The following POGLUT1 variants were observed in gnomAD, a reference collection of about 807,000 sequenced individuals.
POGLUT1 encodes the protein 9630046K23Rik.
In POGLUT1, 32 loss-of-function variants were observed where a neutral mutation model predicts 61.3. That is an observed-to-expected ratio of 0.52 (90% CI 0.39 to 0.70). The LOEUF (loss-of-function observed/expected upper bound fraction) is 0.70. Among genes scored for constraint, POGLUT1 ranks in the 30% least tolerant of loss-of-function variants. The pLI is 0.00. For missense variants in POGLUT1, 411 were observed against 469.8 expected, an observed-to-expected ratio of 0.87 and a Z score of 1.16; for synonymous variants, 158 against 158.2, an observed-to-expected ratio of 1.00 and a Z score of 0.01.
chr3:119,469,974 T>A, intron 2 of POGLUT1, 64 bp downstream of exon 2: 1 of 968,222 alleles, frequency 1.0e-6, no homozygotes, highest in Non-Finnish European at 1.7e-6. Flanking sequence ...TATTCTAACA[T>A]CCTTGAGAGA....
chr3:119,485,227 A>G, intron 5 of POGLUT1, 101 bp from the exon 6 acceptor site: 1 of 786,622 alleles, frequency 1.3e-6, no homozygotes, highest in Non-Finnish European at 2.1e-6. Flanking sequence ...AAAAAAAAAA[A>G]AGAAATATGA....
intron 8 of POGLUT1, chr3:119,489,953 C>T (rs1352304856): frequency 1.3e-5 from 2 of 153,554 alleles, no homozygotes; most frequent in African/African-American, 4.8e-5. Flanking sequence ...ACCATCTCCC[C>T]CACACTACCC....
chr3:119,469,662 T>G (rs1681120753), intron 1 of POGLUT1, among the ~76,000 whole-genome samples, 158 bp from the exon 2 acceptor site: 1 of 152,144 alleles, frequency 6.6e-6, no homozygotes, highest in African/African-American at 2.4e-5. Flanking sequence ...GCGTGGGAGT[T>G]GCACACACAA....
intron 2 of POGLUT1, 43 bp from the exon 3 acceptor site, chr3:119,471,266 C>T: frequency 1.2e-6 from 2 of 1,600,740 alleles, no homozygotes; most frequent in Non-Finnish European, 1.7e-6. Context: ...AATGGCACCA[C>T]TCTCTTGGCC....
intron 5 of POGLUT1, among the ~76,000 whole-genome samples, chr3:119,482,370 TGAAA>T (rs1191735757): frequency 2.6e-5 from 4 of 151,678 alleles, no homozygotes; most frequent in Admixed American, 6.6e-5. Flanking sequence ...TCAGTACATA[TGAAA>T]GAGTCACTTT....
rs1347451407 is a variant in POGLUT1, at chr3:119,486,915, G to T, written c.721G>T (p.Ala241Ser). The T allele has an allele frequency of 1.2e-6, 2 of 1,611,094 alleles. No individual in the cohort carries two copies. The highest frequency in any genetic ancestry group is 2.2e-5 in the South Asian group (2 of 91,006). ...TGATGCAGAATACACCAAAAACCAG[G>T]CCTGGAAATCTATGAAAGTAATCAC... ...LVDAEYTKNQ[A>S]WKSMKDTLGK... Residue 241 changes from alanine to serine, a missense_variant, in exon 7 of 11, where the codon GCC becomes TCC. Physicochemically the swap from Ala to Ser is moderately conservative, Grantham distance 99. Coordinates refer to ENST00000295588, the MANE Select transcript of POGLUT1 (RefSeq NM_152305.3).
chr3:119,469,037 A>T lies in POGLUT1; in HGVS notation c.16A>T (p.Ser6Cys), dbSNP rs1437882515. 4.4e-6 allele frequency: 7 copies of T among 1,608,978 alleles called. No individual in the cohort carries two copies. The highest frequency in any genetic ancestry group is 4.2e-6 in the Non-Finnish European group (5 of 1,178,852). Residue 6 changes from serine to cysteine, a missense_variant, in exon 1 of 11, where the codon AGC becomes TGC. Coordinates refer to ENST00000295588, the MANE Select transcript of POGLUT1 (RefSeq NM_152305.3). Reference protein sequence around the residue: MEWWASSPLRLWLLLF... With the variant: MEWWACSPLRLWLLLF... Reference sequence around the variant, plus strand: ...TCTGCCGGCGATGGAGTGGTGGGCTAGCTCGCCGCTTCGGCTCTGGCTGCT... The same window carrying T: ...TCTGCCGGCGATGGAGTGGTGGGCTTGCTCGCCGCTTCGGCTCTGGCTGCT...
In POGLUT1 at chr3:119,492,393, A is replaced by G. The variant is rs965502088; in HGVS notation, c.1134A>G (p.Lys378=). The G allele has an allele frequency of 6.2e-7, 1 of 1,606,592 alleles. No homozygotes were observed. Among genetic ancestry groups the G allele is most frequent in the Non-Finnish European group, 8.5e-7 (1 of 1,174,892 alleles). Residue 378 remains lysine (K), a synonymous_variant, in exon 11 of 11, where the codon AAA becomes AAG. Transcript: ENST00000295588. Reference sequence around the variant, plus strand: ...TGTCTTATAATGTAACGAGAAGGAAAGGTTATGATCAAATTATTCCCAAAA... The same window carrying G: ...TGTCTTATAATGTAACGAGAAGGAAGGGTTATGATCAAATTATTCCCAAAA... ...KFLSYNVTRR[K]GYDQIIPKML...
chr3:119,471,387 A>G lies in POGLUT1; in HGVS notation c.255A>G (p.Leu85=). 6.2e-7 allele frequency: 1 copy of G among 1,613,972 alleles called. No homozygotes were observed. The highest frequency in any genetic ancestry group is 8.5e-7 in the Non-Finnish European group (1 of 1,179,812). ...KMMAEVVRRK[L]GTHYQITKNR... ...TGGCAGAGGTAGTCAGACGGAAGCT[A>G]GGGACCCACTATCAGATCACTAAGA... The change falls in exon 3 of 11, where the codon CTA becomes CTG. Residue 85 remains leucine (L), a synonymous_variant. Transcript: ENST00000295588.
At chr3:119,482,420 G>T (rs996325384) in intron 5 of POGLUT1, among the ~76,000 whole-genome samples, 1 of 152,010 alleles carries the variant, frequency 6.6e-6, no homozygotes, top group Non-Finnish European at 1.5e-5. Flanking sequence ...TAAAAGGCAG[G>T]ATCTCACTAT....
chr3:119,479,926 G>A, intron 4 of POGLUT1, 125 bp from the exon 5 acceptor site: 1 of 1,550,172 alleles, frequency 6.5e-7, no homozygotes, highest in Non-Finnish European at 8.7e-7. Context: ...TTGGAAAATA[G>A]GGAAAATATA....
At chr3:119,477,765 G>A (rs575354942) in intron 4 of POGLUT1, among the ~76,000 whole-genome samples, 1 of 152,310 alleles carries the variant, frequency 6.6e-6, no homozygotes, top group African/African-American at 2.4e-5. Context: ...GGAGGAAGGG[G>A]TCCAAGAAAG....
intron 4 of POGLUT1, among the ~76,000 whole-genome samples, chr3:119,479,283 A>G (rs1039996755): frequency 3.9e-5 from 6 of 152,080 alleles, no homozygotes; most frequent in Admixed American, 3.3e-4. Flanking sequence ...TTGCTCATCC[A>G]TACTTCTGAC....
chr3:119,490,421 A>T, intron 8 of POGLUT1, 130 bp from the exon 9 acceptor site: 1 of 808,402 alleles, frequency 1.2e-6, no homozygotes, highest in South Asian at 1.7e-5. Context: ...GTGTCCTTGA[A>T]AACTCAAAGT....
At chr3:119,484,761 G>A (rs1298354187) in intron 5 of POGLUT1, among the ~76,000 whole-genome samples, 1 of 152,124 alleles carries the variant, frequency 6.6e-6, no homozygotes, top group East Asian at 1.9e-4. Context: ...TGACCTTCAG[G>A]GTTTGGGGGC....
chr3:119,492,292 T>C lies in POGLUT1; in HGVS notation c.1033T>C (p.Phe345Leu). 2 of 1,601,498 alleles carry C rather than the reference T, an allele frequency of 1.2e-6. No homozygotes were observed. Among genetic ancestry groups the C allele is most frequent in the Non-Finnish European group, 1.7e-6 (2 of 1,174,678 alleles). Residue 345 changes from phenylalanine to leucine, a missense_variant, in exon 11 of 11, where the codon TTT (phenylalanine) becomes CTT (leucine). Coordinates refer to ENST00000295588, the MANE Select transcript of POGLUT1 (RefSeq NM_152305.3). ...AAATCTTGTCTCTAGGGGAAGCCAG[T>C]TTATTAGGAACCATTTGCAGATGGA... ...AQEIAERGSQ[F>L]IRNHLQMDDI...
intron 5 of POGLUT1, among the ~76,000 whole-genome samples, chr3:119,481,533 T>A (rs2081605518): frequency 6.6e-6 from 1 of 152,234 alleles, no homozygotes; most frequent in African/African-American, 2.4e-5. Context: ...ATTAAGGTAA[T>A]ATTCCCTTCC....
rs774336655 is a variant in POGLUT1 at position 119,471,476 on chromosome 3, A to G, written c.320+24A>G. The G allele has an allele frequency of 2.5e-6, 4 of 1,609,186 alleles. No individual in the cohort carries two copies. The Admixed American group carries it at 5.0e-5, about 20-fold the overall frequency. On this transcript the variant is annotated intron_variant, in intron 3 of 10. Transcript: ENST00000295588. ...AGGTAAGAGTTAACGAGGTAGATAT[A>G]TCTTCTGACTTTATTACATATGGGC...
intron 5 of POGLUT1, among the ~76,000 whole-genome samples, chr3:119,482,787 C>A (rs2107712574): frequency 6.6e-6 from 1 of 152,256 alleles, no homozygotes; most frequent in East Asian, 1.9e-4. Flanking sequence ...GGAGTTTGTG[C>A]CCACTGATTT....
Sources: gnomAD v4.1 joint callset for allele counts (sites outside exome capture counted in the v4.1 genomes callset) on GRCh38, gnomAD v4.1.1 for gene constraint, MANE v1.5 for transcripts, NCBI Gene and HGNC (gene_info 2026-07-23, HGNC 2026-07-21) for gene names.